The following ZNF100 variants were observed in gnomAD, a reference collection of about 807,000 sequenced individuals.
ZNF100 encodes the protein zinc finger protein 100.
ZNF100 carries 12 observed loss-of-function variants against 15.8 expected under a neutral mutation model. That is an observed-to-expected ratio of 0.76 (90% CI 0.49 to 1.23). The LOEUF (loss-of-function observed/expected upper bound fraction) is 1.23. Among genes scored for constraint, ZNF100 ranks in the 50% most tolerant of loss-of-function variants. The pLI, the probability that ZNF100 is intolerant of heterozygous loss-of-function variation, is 0.00. For synonymous variants in ZNF100, 226 were observed against 214.8 expected, an observed-to-expected ratio of 1.05 and a Z score of -0.45; for missense variants, 670 against 635.6, an observed-to-expected ratio of 1.05 and a Z score of -0.58.
chr19:21,761,899 C>T (rs541099522), intron 2 of ZNF100, among the ~76,000 whole-genome samples: 278 of 152,208 alleles, frequency 1.8e-3, no homozygotes, highest in Non-Finnish European at 3.0e-3. Context: ...TGGCTAGAGC[C>T]GGTCAGAAAG....
intron 2 of ZNF100, among the ~76,000 whole-genome samples, chr19:21,759,715 C>T (rs1015544065): frequency 2.0e-5 from 3 of 152,170 alleles, no homozygotes; most frequent in Non-Finnish European, 2.9e-5. Flanking sequence ...ACACCCCCAC[C>T]GGTGCCATGA....
chr19:21,727,986 A>AT lies in ZNF100; in HGVS notation c.325dup (p.Ile109AsnfsTer16), dbSNP rs765761169. The AT allele has an allele frequency of 2.6e-6, 4 of 1,512,792 alleles. No individual in the cohort carries two copies. Among genetic ancestry groups the AT allele is most frequent in the Non-Finnish European group, 3.5e-6 (4 of 1,136,692 alleles). 93.7% of individuals were successfully genotyped at this position (1,512,792 alleles called of 1,614,324 possible). A position where few individuals can be genotyped will look rare whatever the true frequency, so the allele number is the denominator to read the frequency against. On this transcript the variant is annotated frameshift_variant, in exon 5 of 5. Transcript: ENST00000358296. LOFTEE classifies it low-confidence loss of function (END_TRUNC). ...AAGGTCTTGGGGAAAATGAGAACAT[A>AT]TAACTGAAAGAAATAAAAATAACAA...
chr19:21,760,963 T>A (rs946052442), intron 2 of ZNF100, among the ~76,000 whole-genome samples: 1 of 151,924 alleles, frequency 6.6e-6, no homozygotes, highest in East Asian at 1.9e-4. Flanking sequence ...TTTCACCATG[T>A]TAGCCAGGAT....
At chr19:21,762,320 G>A (rs936612275) in intron 2 of ZNF100, among the ~76,000 whole-genome samples, 4 of 152,160 alleles carry the variant, frequency 2.6e-5, no homozygotes, top group African/African-American at 4.8e-5. Context: ...AATCAGCCAC[G>A]ACTTCCTATC....
At position 21,725,596 on chromosome 19, in the gene ZNF100, T is replaced by A. The variant is rs2035764597; in HGVS notation, c.*1087A>T. 6.6e-6 allele frequency: 1 copy of A among 152,150 alleles called. No homozygotes were observed. Among genetic ancestry groups the A allele is most frequent in the Admixed American group, 6.5e-5 (1 of 15,276 alleles). 9.4% of individuals were successfully genotyped at this position (152,150 alleles called of 1,614,324 possible). On this transcript the variant is annotated 3_prime_UTR_variant, in exon 5 of 5. Coordinates refer to ENST00000358296, the MANE Select transcript of ZNF100 (RefSeq NM_173531.4). ...TCTGATGCAGCAACAATTGATCACA[T>A]GCTTTCACATGTAAATAGGAGTGAA... is the stretch of plus-strand genomic sequence containing the variant.
intron 4 of ZNF100, among the ~76,000 whole-genome samples, chr19:21,729,541 A>G (rs1182204371): frequency 1.3e-5 from 2 of 152,134 alleles, no homozygotes; most frequent in Non-Finnish European, 1.5e-5. Context: ...TACATTGTGC[A>G]CATGTACCCT....
intron 4 of ZNF100, among the ~76,000 whole-genome samples, chr19:21,732,550 A>C (rs1175225952): frequency 6.6e-6 from 1 of 151,942 alleles, no homozygotes; most frequent in East Asian, 1.9e-4. Flanking sequence ...CACAATGGCA[A>C]TATAAAATAA....
At chr19:21,734,427 A>G (rs189027451) in intron 4 of ZNF100, among the ~76,000 whole-genome samples, 5 of 152,328 alleles carry the variant, frequency 3.3e-5, no homozygotes, top group Admixed American at 3.3e-4. Flanking sequence ...CACAAGTATC[A>G]GTAACTGAGT....
chr19:21,726,258 G>A lies in ZNF100; in HGVS notation c.*425C>T, dbSNP rs781553268. On this transcript the variant is annotated 3_prime_UTR_variant, in exon 5 of 5. Coordinates refer to ENST00000358296, the MANE Select transcript of ZNF100 (RefSeq NM_173531.4). ...GAGTAAGATGTGAGCATGTATTAAT[G>A]GCTTTTTCACAGTCTTTATATTTGT... 24 of 163,350 alleles carry A rather than the reference G, an allele frequency of 1.5e-4. No homozygotes were observed. Among genetic ancestry groups the A allele is most frequent in the Admixed American group, 9.9e-4 (17 of 17,100 alleles). The allele number at this position is 163,350 out of a possible 1,614,324, so 10.1% of individuals were successfully genotyped here. A position where few individuals can be genotyped will look rare whatever the true frequency, so the allele number is the denominator to read the frequency against.
chr19:21,733,652 GTCC>G (rs2035959105), intron 4 of ZNF100, among the ~76,000 whole-genome samples: 1 of 152,282 alleles, frequency 6.6e-6, no homozygotes, highest in African/African-American at 2.4e-5. Flanking sequence ...AATCTGGGCA[GTCC>G]AGATGTATGG....
intron 2 of ZNF100, among the ~76,000 whole-genome samples, chr19:21,756,898 A>G (rs1277642371): frequency 6.6e-6 from 1 of 152,234 alleles, no homozygotes; most frequent in Non-Finnish European, 1.5e-5. Flanking sequence ...GATGCATAGA[A>G]AAATGCAACA....
At chr19:21,738,357 A>G (rs2036048509) in intron 4 of ZNF100, among the ~76,000 whole-genome samples, 1 of 151,706 alleles carries the variant, frequency 6.6e-6, no homozygotes. Context: ...TATAGCCAAG[A>G]CAATCTTAGG....
intron 4 of ZNF100, among the ~76,000 whole-genome samples, chr19:21,736,834 CT>C (rs1200254985): frequency 1.3e-5 from 2 of 152,120 alleles, no homozygotes; most frequent in African/African-American, 2.4e-5. Context: ...TAAAAAAATT[CT>C]TTGAAACCAA....
At chr19:21,746,424 C>A (rs1196237269) in intron 2 of ZNF100, among the ~76,000 whole-genome samples, 6 of 151,912 alleles carry the variant, frequency 3.9e-5, no homozygotes, top group Non-Finnish European at 7.4e-5. Context: ...TTTTCTTAAT[C>A]CTGTTCTGCA....
At chr19:21,731,387 C>A (rs113293163) in intron 4 of ZNF100, among the ~76,000 whole-genome samples, 21,347 of 150,444 alleles carry the variant, frequency 0.14, 2,028 homozygotes, top group African/African-American at 0.26. Flanking sequence ...TGGCTCACTG[C>A]AACCTCCGCC....
At chr19:21,728,804 G>T (rs1414184929) in intron 4 of ZNF100, among the ~76,000 whole-genome samples, 2 of 151,650 alleles carry the variant, frequency 1.3e-5, no homozygotes, top group African/African-American at 2.4e-5. Flanking sequence ...CTATAAAAAA[G>T]ATGTATACAC....
At chr19:21,752,395 C>G (rs1271560443) in intron 2 of ZNF100, 2 of 152,672 alleles carry the variant, frequency 1.3e-5, no homozygotes, top group Non-Finnish European at 2.9e-5. Flanking sequence ...TAGGAGCAGA[C>G]TGCAGCATTG....
In ZNF100 at chr19:21,726,384, C is replaced by G. The variant is rs988749413; in HGVS notation, c.*299G>C. On this transcript the variant is annotated 3_prime_UTR_variant, in exon 5 of 5. Transcript: ENST00000358296. Reference sequence around the variant, plus strand: ...CATGTAGAAGTTTTCTCCAGTATAACTTACCTTACCTACAATCAAGTGTGA... The same window carrying G: ...CATGTAGAAGTTTTCTCCAGTATAAGTTACCTTACCTACAATCAAGTGTGA... 1 of 325,848 alleles carries G rather than the reference C, an allele frequency of 3.1e-6. No homozygotes were observed. Among genetic ancestry groups the G allele is most frequent in the African/African-American group, 2.1e-5 (1 of 46,544 alleles). 20.2% of individuals were successfully genotyped at this position (325,848 alleles called of 1,614,324 possible).
intron 2 of ZNF100, among the ~76,000 whole-genome samples, chr19:21,759,152 T>A (rs569389984): frequency 6.6e-6 from 1 of 152,312 alleles, no homozygotes; most frequent in African/African-American, 2.4e-5. Context: ...GTTTCTGGGC[T>A]ACTGTTTAAA....
Sources: allele counts gnomAD v4.1 joint callset (sites outside exome capture counted in the v4.1 genomes callset), GRCh38; gene constraint gnomAD v4.1.1; transcripts MANE v1.5; gene names NCBI Gene and HGNC (gene_info 2026-07-23, HGNC 2026-07-21).